The following AMBRA1 variants were observed in gnomAD, a reference collection of about 807,000 sequenced individuals.
AMBRA1 encodes activating molecule in BECN1-regulated autophagy protein 1.
Under a neutral mutation model 125.4 loss-of-function variants are expected in AMBRA1, and 47 were observed. That is an observed-to-expected ratio of 0.37 (90% CI 0.30 to 0.48). The LOEUF (loss-of-function observed/expected upper bound fraction) is 0.48, where lower values mean the gene tolerates loss of function less well. AMBRA1 is among the 20% of genes least tolerant of loss of function. AMBRA1 has a pLI of 0.99. For missense variants in AMBRA1, 1,331 were observed against 1,693.4 expected (o/e 0.79, Z 3.76); for synonymous variants, 626 against 655.5 (o/e 0.95, Z 0.69).
At chr11:46,486,942 T>TAAATAAATAC (rs1950287834) in intron 11 of AMBRA1, among the ~76,000 whole-genome samples, 4 of 148,096 alleles carry the variant, frequency 2.7e-5, no homozygotes, top group Admixed American at 2.7e-4. Flanking sequence ...AATAAATAAA[T>TAAATAAATAC]AAATAAATAA....
intron 1 of AMBRA1, among the ~76,000 whole-genome samples, chr11:46,553,709 T>A (rs1245378514): frequency 6.6e-6 from 1 of 151,806 alleles, no homozygotes. Flanking sequence ...CGTGCCATTG[T>A]ACTTCAGCCT....
At chr11:46,447,693 G>C (rs1948361809) in intron 11 of AMBRA1, among the ~76,000 whole-genome samples, 1 of 151,800 alleles carries the variant, frequency 6.6e-6, no homozygotes, top group South Asian at 2.1e-4. Context: ...CTGGGTTACA[G>C]AGCCAGACCA....
At chr11:46,496,973 G>A (rs190158707) in intron 9 of AMBRA1, among the ~76,000 whole-genome samples, 48 of 152,062 alleles carry the variant, frequency 3.2e-4, no homozygotes, top group African/African-American at 1.1e-3. Flanking sequence ...TTAGCCAGAC[G>A]TGATGGCGAG....
chr11:46,472,169 C>T (rs886828633), intron 11 of AMBRA1, among the ~76,000 whole-genome samples: 3 of 152,150 alleles, frequency 2.0e-5, no homozygotes, highest in Non-Finnish European at 4.4e-5. Flanking sequence ...CTGCTGTGAC[C>T]GCTTCTATTT....
chr11:46,559,415 G>C (rs989779493), intron 1 of AMBRA1, among the ~76,000 whole-genome samples: 1 of 152,178 alleles, frequency 6.6e-6, no homozygotes, highest in Admixed American at 6.5e-5. Flanking sequence ...CCAGGCAAGA[G>C]AGTAAGCAAA....
intron 7 of AMBRA1, among the ~76,000 whole-genome samples, chr11:46,527,682 C>G (rs1159825342): frequency 6.6e-6 from 1 of 151,590 alleles, no homozygotes; most frequent in Non-Finnish European, 1.5e-5. Flanking sequence ...TACAAATGGT[C>G]AACAAGCATA....
At chr11:46,558,252 C>T (rs1457268995) in intron 1 of AMBRA1, among the ~76,000 whole-genome samples, 2 of 152,008 alleles carry the variant, frequency 1.3e-5, no homozygotes. Flanking sequence ...ATAACTAAAA[C>T]ACTACTAACC....
chr11:46,532,729 C>T (rs1368458066), intron 7 of AMBRA1, among the ~76,000 whole-genome samples: 1 of 152,166 alleles, frequency 6.6e-6, no homozygotes, highest in Non-Finnish European at 1.5e-5. Flanking sequence ...GCCACAGTGC[C>T]CGGCCTTAAG....
intron 14 of AMBRA1, among the ~76,000 whole-genome samples, chr11:46,420,927 T>C (rs1946817401): frequency 6.6e-6 from 1 of 152,240 alleles, no homozygotes; most frequent in Admixed American, 6.5e-5. Context: ...GTTGCTGTGC[T>C]GCGTTTTTTA....
At chr11:46,553,606 G>A (rs1404409231) in intron 1 of AMBRA1, among the ~76,000 whole-genome samples, 2 of 152,006 alleles carry the variant, frequency 1.3e-5, no homozygotes, top group Non-Finnish European at 2.9e-5. Flanking sequence ...TTAGCCAGGC[G>A]TGGTAGCTCA....
At chr11:46,511,400 A>G (rs1951251930) in intron 8 of AMBRA1, among the ~76,000 whole-genome samples, 1 of 152,224 alleles carries the variant, frequency 6.6e-6, no homozygotes, top group South Asian at 2.1e-4. Context: ...AAAGGAACTA[A>G]GAGGATAATG....
chr11:46,513,114 T>C (rs1045915565), intron 7 of AMBRA1, among the ~76,000 whole-genome samples: 1 of 152,078 alleles, frequency 6.6e-6, no homozygotes, highest in Non-Finnish European at 1.5e-5. Context: ...AGTAGACAAA[T>C]AGAAGGTTCG....
At chr11:46,547,534 T>TG in intron 3 of AMBRA1, 1 of 563,692 alleles carries the variant, frequency 1.8e-6, no homozygotes, top group Non-Finnish European at 3.1e-6. Context: ...TTTTTCCCAC[T>TG]GGAAAAACCA....
chr11:46,528,799 G>A (rs1193964998), intron 7 of AMBRA1, among the ~76,000 whole-genome samples: 1 of 152,076 alleles, frequency 6.6e-6, no homozygotes, highest in African/African-American at 2.4e-5. Context: ...AGATAAAAAG[G>A]GTTACATGTG....
At chr11:46,515,659 A>C (rs1951445822) in intron 7 of AMBRA1, among the ~76,000 whole-genome samples, 1 of 152,136 alleles carries the variant, frequency 6.6e-6, no homozygotes, top group Non-Finnish European at 1.5e-5. Context: ...AGGTAACTTC[A>C]GTTTTAATGA....
chr11:46,436,076 T>C (rs950008713), intron 12 of AMBRA1, among the ~76,000 whole-genome samples: 2 of 152,190 alleles, frequency 1.3e-5, no homozygotes, highest in Non-Finnish European at 2.9e-5. Context: ...AAAAAAACTT[T>C]TCACTGTTTC....
rs775568948 is a variant in AMBRA1, at chr11:46,548,319, C to T, written c.62G>A (p.Arg21Gln). 8.1e-6 allele frequency: 13 copies of T among 1,614,146 alleles called. No homozygotes were observed. The South Asian group carries it at 1.3e-4, about 16-fold the overall frequency. ...CAGAAGCCGCTGAGCTCCCATGGCC[C>T]GAGCACCCCGTTCTCGCCCCCAGAG... is the stretch of plus-strand genomic sequence containing the variant. Reference protein sequence around the residue: ...RILWGRERGARAMGAQRLLQE... With the variant: ...RILWGRERGAQAMGAQRLLQE... The change falls in exon 2 of 18, where the codon CGG (arginine) becomes CAG (glutamine). Residue 21 changes from arginine to glutamine, a missense_variant. Physicochemically the swap from Arg to Gln is conservative, Grantham distance 43. Transcript: ENST00000683756.
intron 8 of AMBRA1, among the ~76,000 whole-genome samples, chr11:46,511,277 A>G (rs1565234907): frequency 6.6e-6 from 1 of 152,222 alleles, no homozygotes; most frequent in South Asian, 2.1e-4. Flanking sequence ...AAACATCATT[A>G]GAGACTCACA....
rs563866846 is a variant in AMBRA1, at chr11:46,493,481, G to A, written c.2521+127C>T. ...AGTAAGGAACTGAATATCAAACCAGGACCCCAAAATAGAATTTTCAGACAG... is the reference window on the plus strand; with the variant it reads ...AGTAAGGAACTGAATATCAAACCAGAACCCCAAAATAGAATTTTCAGACAG... On this transcript the variant is annotated intron_variant, in intron 11 of 17. Transcript: ENST00000683756. The A allele has an allele frequency of 1.5e-5, 11 of 722,146 alleles. No homozygotes were observed. In the South Asian group the frequency reaches 2.1e-4, roughly 14 times the overall value. The allele number at this position is 722,146 out of a possible 1,614,324, so 44.7% of individuals were successfully genotyped here.
Sources: allele counts gnomAD v4.1 joint callset (sites outside exome capture counted in the v4.1 genomes callset), GRCh38; gene constraint gnomAD v4.1.1; transcripts MANE v1.5; gene names NCBI Gene and HGNC (gene_info 2026-07-23, HGNC 2026-07-21).